Variants in VWA8 observed in about 807,000 individuals in gnomAD.
VWA8 encodes the protein von Willebrand factor A domain containing 8.
Under a neutral mutation model 241.5 loss-of-function variants are expected in VWA8, and 221 were observed. The ratio of observed to expected loss-of-function variants is 0.91; its 90% CI spans 0.82 to 1.02. The LOEUF is 1.02. Among genes scored for constraint, VWA8 ranks in the 50% least tolerant of loss-of-function variants. VWA8 has a pLI of 0.00. For missense variants in VWA8, 2,322 were observed against 2,328.7 expected, an observed-to-expected ratio of 1.00 and a Z score of 0.06; for synonymous variants, 852 against 827.1, an observed-to-expected ratio of 1.03 and a Z score of -0.52.
At chr13:41,734,269 C>A (rs1173674490) in intron 21 of VWA8, among the ~76,000 whole-genome samples, 1 of 151,970 alleles carries the variant, frequency 6.6e-6, no homozygotes, top group Non-Finnish European at 1.5e-5. Flanking sequence ...ACCTGGGAGG[C>A]GGGGGTTGCA....
chr13:41,959,625 T>TTTTTTTTTTA (rs55893633), intron 1 of VWA8, among the ~76,000 whole-genome samples: 1 of 134,166 alleles, frequency 7.5e-6, no homozygotes, highest in Non-Finnish European at 1.6e-5. Flanking sequence ...TTTTTTTTTT[T>TTTTTTTTTTA]GAGATGGAGT....
Position 41,690,194 on chromosome 13 carries a change from C to T in VWA8, c.3948G>A (p.Pro1316=), listed in dbSNP as rs367688088. Residue 1316 remains proline, a synonymous_variant, in exon 33 of 45, where the codon CCG becomes CCA. Coordinates refer to ENST00000379310, the MANE Select transcript of VWA8 (RefSeq NM_015058.2). ...GTGTAACTCCAAACCCTGTGCTGGG[C>T]GGCTCCTCTTTCAGCACATACAACT... ...VCQLYVLKEE[P]PSTGFGVTQE... is the part of the protein sequence containing the mutation. The T allele has an allele frequency of 1.9e-5, 30 of 1,612,370 alleles. No homozygotes were observed. Among genetic ancestry groups the T allele is most frequent in the African/African-American group, 9.4e-5 (7 of 74,788 alleles).
At position 41,830,531 on chromosome 13, in the gene VWA8, C is replaced by A; in HGVS notation, c.1698G>T (p.Lys566Asn). 6.2e-7 allele frequency: 1 copy of A among 1,613,134 alleles called. No individual in the cohort carries two copies. Among genetic ancestry groups the A allele is most frequent in the South Asian group, 1.1e-5 (1 of 91,040 alleles). The change falls in exon 14 of 45, where the codon AAG becomes AAT. Residue 566 changes from lysine (K) to asparagine (N), a missense_variant and splice_region_variant. Physicochemically the swap from Lys to Asn is moderately conservative, Grantham distance 94. Coordinates refer to ENST00000379310, the MANE Select transcript of VWA8 (RefSeq NM_015058.2). Reference protein sequence around the residue: ...ELQLSDEQLQKRSIFPIHPSF... With the variant: ...ELQLSDEQLQNRSIFPIHPSF... The stretch of plus-strand genomic sequence containing the variant: ...GGGAGTAATGGACCCCAAATTACCT[C>A]TTCTGTAGCTGTTCATCAGACAGTT...
chr13:41,863,892 C>T (rs1378525911), intron 12 of VWA8, among the ~76,000 whole-genome samples: 2 of 152,038 alleles, frequency 1.3e-5, no homozygotes, highest in African/African-American at 4.8e-5. Context: ...ATACAGCAAA[C>T]TTCAGTGACA....
At chr13:41,597,347 C>T (rs2044495403) in intron 40 of VWA8, among the ~76,000 whole-genome samples, 1 of 151,952 alleles carries the variant, frequency 6.6e-6, no homozygotes, top group Non-Finnish European at 1.5e-5. Context: ...AGTGGAAACA[C>T]AAAATTTTAT....
At chr13:41,895,743 C>G (rs1875068196) in intron 4 of VWA8, among the ~76,000 whole-genome samples, 5 of 151,902 alleles carry the variant, frequency 3.3e-5, no homozygotes, top group Admixed American at 3.3e-4. Context: ...TAATTAAGAA[C>G]TGTGATACGT....
intron 12 of VWA8, among the ~76,000 whole-genome samples, chr13:41,863,334 T>C (rs1873096419): frequency 1.3e-5 from 2 of 149,940 alleles, no homozygotes; most frequent in South Asian, 4.2e-4. Flanking sequence ...TGTGATGGTG[T>C]AAGTTAGTAC....
chr13:41,676,483 T>C (rs150600495), intron 35 of VWA8, among the ~76,000 whole-genome samples: 43 of 152,364 alleles, frequency 2.8e-4, no homozygotes, highest in Admixed American at 5.9e-4. Flanking sequence ...TTTGACCAAT[T>C]GCTTTATGAA....
chr13:41,813,486 C>A (rs543980203), intron 16 of VWA8, among the ~76,000 whole-genome samples: 11 of 152,186 alleles, frequency 7.2e-5, no homozygotes, highest in African/African-American at 2.6e-4. Flanking sequence ...ATGAAAAATT[C>A]ATATTTTAAT....
intron 17 of VWA8, among the ~76,000 whole-genome samples, chr13:41,792,097 C>A (rs1163831330): frequency 2.6e-5 from 4 of 151,808 alleles, no homozygotes; most frequent in Non-Finnish European, 1.5e-5. Flanking sequence ...ATTAATGAGG[C>A]TGAGCATGTT....
intron 26 of VWA8, among the ~76,000 whole-genome samples, chr13:41,715,194 T>G (rs1268131203): frequency 6.6e-6 from 1 of 151,978 alleles, no homozygotes; most frequent in African/African-American, 2.4e-5. Context: ...GTCTGGTACG[T>G]AGTTATCTAT....
intron 37 of VWA8, among the ~76,000 whole-genome samples, chr13:41,649,732 T>C (rs1226385867): frequency 1.3e-5 from 2 of 152,114 alleles, no homozygotes; most frequent in African/African-American, 4.8e-5. Flanking sequence ...CTGGTAATGG[T>C]GAAACAGAAT....
At chr13:41,907,948 C>T (rs1191779828) in intron 3 of VWA8, among the ~76,000 whole-genome samples, 1 of 152,112 alleles carries the variant, frequency 6.6e-6, no homozygotes, top group Non-Finnish European at 1.5e-5. Flanking sequence ...TAATCAAAAT[C>T]CAATTTTACA....
intron 40 of VWA8, among the ~76,000 whole-genome samples, chr13:41,592,143 A>T (rs1317878640): frequency 6.7e-6 from 1 of 148,826 alleles, no homozygotes; most frequent in Non-Finnish European, 1.5e-5. Context: ...GCCATAAAAA[A>T]TGATGAGTTC....
At chr13:41,610,969 C>T (rs537020426) in intron 39 of VWA8, among the ~76,000 whole-genome samples, 1 of 152,308 alleles carries the variant, frequency 6.6e-6, no homozygotes, top group East Asian at 1.9e-4. Context: ...CACTGTCCCT[C>T]CTCCCGAGCT....
At chr13:41,947,676 A>C (rs1877911868) in intron 2 of VWA8, among the ~76,000 whole-genome samples, 1 of 152,138 alleles carries the variant, frequency 6.6e-6, no homozygotes, top group Non-Finnish European at 1.5e-5. Flanking sequence ...GGCTCATGCC[A>C]GTAAACCCAG....
intron 25 of VWA8, among the ~76,000 whole-genome samples, chr13:41,720,486 T>C (rs2045381114): frequency 6.6e-6 from 1 of 152,190 alleles, no homozygotes; most frequent in Admixed American, 6.6e-5. Flanking sequence ...CCTTACAGAA[T>C]GGTTAAATCA....
At chr13:41,586,203 C>CA (rs2044417212) in intron 42 of VWA8, among the ~76,000 whole-genome samples, 3 of 151,158 alleles carry the variant, frequency 2.0e-5, no homozygotes, top group Admixed American at 2.0e-4. Flanking sequence ...CTGAAGGGAG[C>CA]AAGGGTGAAG....
intron 42 of VWA8, among the ~76,000 whole-genome samples, chr13:41,579,970 C>T (rs2044371930): frequency 6.6e-6 from 1 of 152,032 alleles, no homozygotes; most frequent in Non-Finnish European, 1.5e-5. Flanking sequence ...TTTCAGCCTC[C>T]TGAGTAGCTG....
Sources: gnomAD v4.1 joint callset for allele counts (sites outside exome capture counted in the v4.1 genomes callset) on GRCh38, gnomAD v4.1.1 for gene constraint, MANE v1.5 for transcripts, NCBI Gene and HGNC (gene_info 2026-07-23, HGNC 2026-07-21) for gene names.